Variants in TRIO observed in about 807,000 individuals in gnomAD.
The protein encoded by TRIO is trio Rho guanine nucleotide exchange factor.
A neutral mutation model predicts 351.9 loss-of-function variants in TRIO; 58 were observed. That is an observed-to-expected ratio of 0.16 (90% CI 0.13 to 0.21). TRIO has a LOEUF of 0.21. Among genes scored for constraint, TRIO ranks in the 10% least tolerant of loss-of-function variants. TRIO has a pLI of 1.00. For missense variants in TRIO, 3,201 were observed against 4,027.8 expected (o/e 0.79, Z 5.56); for synonymous variants, 1,758 against 1,595.7 (o/e 1.10, Z -2.42).
intron 1 of TRIO, among the ~76,000 whole-genome samples, chr5:14,190,099 T>A (rs1790367598): frequency 6.6e-6 from 1 of 152,088 alleles, no homozygotes; most frequent in Non-Finnish European, 1.5e-5. Flanking sequence ...CAGGAGATTG[T>A]AAGTGGGTCT....
At chr5:14,175,497 G>A (rs1277107525) in intron 1 of TRIO, among the ~76,000 whole-genome samples, 4 of 151,980 alleles carry the variant, frequency 2.6e-5, no homozygotes, top group Admixed American at 2.6e-4. Context: ...AAAGATTCTA[G>A]ATTATTATAG....
intron 8 of TRIO, among the ~76,000 whole-genome samples, chr5:14,311,050 G>A (rs1460826087): frequency 6.6e-6 from 1 of 152,212 alleles, no homozygotes; most frequent in Admixed American, 6.5e-5. Flanking sequence ...GCGACATGCA[G>A]TGCTGTAGTC....
At chr5:14,336,029 G>C (rs142175541) in intron 10 of TRIO, among the ~76,000 whole-genome samples, 2 of 152,278 alleles carry the variant, frequency 1.3e-5, no homozygotes, top group Admixed American at 6.5e-5. Flanking sequence ...GATGAGCACA[G>C]AATTACCAAC....
At chr5:14,217,979 T>G (rs898734728) in intron 1 of TRIO, among the ~76,000 whole-genome samples, 1 of 152,188 alleles carries the variant, frequency 6.6e-6, no homozygotes, top group African/African-American at 2.4e-5. Flanking sequence ...ATTCAGTAAC[T>G]TTTTGAAAGA....
intron 9 of TRIO, among the ~76,000 whole-genome samples, chr5:14,327,763 G>A (rs1740515068): frequency 6.6e-6 from 1 of 152,174 alleles, no homozygotes; most frequent in African/African-American, 2.4e-5. Flanking sequence ...TTCTTTTCAA[G>A]CTAGAAATAT....
At chr5:14,211,596 T>TG (rs1343274652) in intron 1 of TRIO, among the ~76,000 whole-genome samples, 4 of 150,686 alleles carry the variant, frequency 2.7e-5, no homozygotes, top group East Asian at 3.9e-4. Flanking sequence ...AGTTGTTTTT[T>TG]TTTTTTTTTT....
At chr5:14,174,934 C>G (rs1789317508) in intron 1 of TRIO, among the ~76,000 whole-genome samples, 1 of 152,172 alleles carries the variant, frequency 6.6e-6, no homozygotes, top group Non-Finnish European at 1.5e-5. Context: ...ACAGATCTCT[C>G]AAAATGTTGT....
chr5:14,463,287 A>G (rs1004112690), intron 36 of TRIO, among the ~76,000 whole-genome samples: 1 of 152,214 alleles, frequency 6.6e-6, no homozygotes, highest in African/African-American at 2.4e-5. Flanking sequence ...TGAAGGCATC[A>G]CTAAATGAAG....
intron 49 of TRIO, among the ~76,000 whole-genome samples, chr5:14,496,490 G>A (rs957551642): frequency 6.6e-6 from 1 of 152,166 alleles, no homozygotes; most frequent in Non-Finnish European, 1.5e-5. Flanking sequence ...TCGGCTCATT[G>A]GATGAGGGCC....
At chr5:14,155,600 G>A (rs1225028688) in intron 1 of TRIO, among the ~76,000 whole-genome samples, 2 of 152,146 alleles carry the variant, frequency 1.3e-5, no homozygotes, top group South Asian at 2.1e-4. Flanking sequence ...TAGTTTTGAC[G>A]ATTACATGGT....
At chr5:14,420,141 C>CTG (rs1749995057) in intron 34 of TRIO, 120 bp downstream of exon 34, 1 of 1,441,954 alleles carries the variant, frequency 6.9e-7, no homozygotes, top group African/African-American at 1.4e-5. Flanking sequence ...GTGCCTTCAG[C>CTG]ACATGGTCAC....
rs1458981577 is a variant in TRIO at position 14,222,957 on chromosome 5, C to T, written c.158-47868C>T. ...TAAGTTCCTGATTGAGGGCGTCTCCCGGATCAAAAATAAATAGGATTGTTG... is the reference window on the plus strand; with the variant it reads ...TAAGTTCCTGATTGAGGGCGTCTCCTGGATCAAAAATAAATAGGATTGTTG... On this transcript the variant is annotated intron_variant, in intron 1 of 56. Coordinates refer to ENST00000344204, the MANE Select transcript of TRIO (RefSeq NM_007118.4). 4.6e-5 allele frequency among the ~76,000 whole-genome samples: 7 copies of T among 152,120 alleles called. No individual in the cohort carries two copies. In the East Asian group the frequency reaches 5.8e-4, roughly 13 times the overall value.
chr5:14,451,438 C>T (rs1451892531), intron 34 of TRIO, among the ~76,000 whole-genome samples: 2 of 152,134 alleles, frequency 1.3e-5, no homozygotes, highest in Non-Finnish European at 1.5e-5. Flanking sequence ...AACATTTGAA[C>T]CAACACCGTC....
At chr5:14,477,342 T>G (rs1755159018) in intron 41 of TRIO, 1 of 159,778 alleles carries the variant, frequency 6.3e-6, no homozygotes, top group African/African-American at 2.4e-5. Context: ...GTATTAACAT[T>G]AAAGTTTTTT....
At chr5:14,395,101 A>G (rs549002746) in intron 28 of TRIO, among the ~76,000 whole-genome samples, 1 of 152,360 alleles carries the variant, frequency 6.6e-6, no homozygotes, top group African/African-American at 2.4e-5. Flanking sequence ...AGATGGAGTT[A>G]CAAATGCTGG....
intron 1 of TRIO, among the ~76,000 whole-genome samples, chr5:14,161,027 T>C (rs1368242912): frequency 1.3e-5 from 2 of 152,094 alleles, no homozygotes; most frequent in Admixed American, 1.3e-4. Flanking sequence ...TCTCCTGCCT[T>C]AGTCTCCTTG....
At chr5:14,328,815 AG>A (rs1355128851) in intron 9 of TRIO, among the ~76,000 whole-genome samples, 1 of 152,128 alleles carries the variant, frequency 6.6e-6, no homozygotes, top group Non-Finnish European at 1.5e-5. Context: ...GTCTCTGTAT[AG>A]GGGGGCTGGA....
chr5:14,260,262 TAATA>T (rs1160442206), intron 1 of TRIO, among the ~76,000 whole-genome samples: 2 of 149,592 alleles, frequency 1.3e-5, no homozygotes, highest in Non-Finnish European at 3.0e-5. Flanking sequence ...TTTGTCTAAT[TAATA>T]ATAACAGTAT....
intron 12 of TRIO, 119 bp downstream of exon 12, chr5:14,358,466 A>G: frequency 8.6e-7 from 1 of 1,167,978 alleles, no homozygotes; most frequent in Admixed American, 2.6e-5. Flanking sequence ...GTGCAGAGCT[A>G]GTAGTGTCTG....
Sources: gnomAD v4.1 joint callset for allele counts (sites outside exome capture counted in the v4.1 genomes callset) on GRCh38, gnomAD v4.1.1 for gene constraint, MANE v1.5 for transcripts, NCBI Gene and HGNC (gene_info 2026-07-23, HGNC 2026-07-21) for gene names.